GAN: variants seen among roughly 807,000 people sequenced by gnomAD.
The protein encoded by GAN is epididymis secretory sperm binding protein.
GAN carries 48 observed loss-of-function variants against 71.3 expected under a neutral mutation model. That is an observed-to-expected ratio of 0.67 (90% CI 0.53 to 0.86). The LOEUF (loss-of-function observed/expected upper bound fraction) is 0.86, where lower values mean the gene tolerates loss of function less well. Ranked by LOEUF, GAN falls within the 40% of genes least tolerant of loss-of-function variation. The pLI, the probability that GAN is intolerant of heterozygous loss-of-function variation, is 0.00. For synonymous variants in GAN, 386 were observed against 276.8 expected (o/e 1.39, Z -3.92); for missense variants, 928 against 770.1 (o/e 1.21, Z -2.43).
rs576424603 is a variant in GAN at position 81,377,653 on chromosome 16, G to A, written c.*57G>A. The A allele has an allele frequency of 2.5e-5, 36 of 1,462,232 alleles. No individual in the cohort carries two copies. The highest frequency in any genetic ancestry group is 2.4e-4 in the African/African-American group (17 of 72,096). The allele number at this position is 1,462,232 out of a possible 1,614,324, so 90.6% of individuals were successfully genotyped here. A position where few individuals can be genotyped will look rare whatever the true frequency, so the allele number is the denominator to read the frequency against. On this transcript the variant is annotated 3_prime_UTR_variant, in exon 11 of 11. Transcript: ENST00000648994. ...CCCAAGAGCACCATAACATAGCTCC[G>A]AAAGGGAGAGCAGAGATGGCAGCTG...
chr16:81,363,251 A>G (rs1014921532), intron 6 of GAN, among the ~76,000 whole-genome samples: 6 of 151,798 alleles, frequency 4.0e-5, no homozygotes, highest in African/African-American at 1.5e-4. Context: ...ATTGTATTGA[A>G]CCAGAGGTAA....
chr16:81,364,941 T>G, intron 7 of GAN, 33 bp from the exon 8 acceptor site: 1 of 1,611,404 alleles, frequency 6.2e-7, no homozygotes, highest in Middle Eastern at 1.7e-4. Context: ...TGAGAAATGT[T>G]GCCTCTCCCC....
chr16:81,325,002 A>G (rs1055275405), intron 1 of GAN, among the ~76,000 whole-genome samples: 1 of 152,156 alleles, frequency 6.6e-6, no homozygotes, highest in Non-Finnish European at 1.5e-5. Flanking sequence ...TGATGAGGAA[A>G]AGGGCAGACC....
intron 3 of GAN, 152 bp downstream of exon 3, chr16:81,354,907 C>T (rs1031758249): frequency 5.6e-5 from 35 of 625,582 alleles, no homozygotes; most frequent in Non-Finnish European, 9.3e-5. Flanking sequence ...ATCATGAAAG[C>T]AGTTGGTTTT....
chr16:81,355,857 A>G (rs75213308), intron 3 of GAN, among the ~76,000 whole-genome samples: 3,952 of 152,308 alleles, frequency 0.026, 89 homozygotes, highest in East Asian at 0.082. Context: ...CTGTAAGCCC[A>G]TAAGTATGCA....
intron 1 of GAN, among the ~76,000 whole-genome samples, chr16:81,349,004 C>T (rs1234904484): frequency 6.6e-6 from 1 of 152,180 alleles, no homozygotes; most frequent in Non-Finnish European, 1.5e-5. Context: ...TGGTGCTCCC[C>T]TGTCCAGAGA....
At chr16:81,326,130 C>A (rs1352308342) in intron 1 of GAN, among the ~76,000 whole-genome samples, 1 of 152,126 alleles carries the variant, frequency 6.6e-6, no homozygotes, top group African/African-American at 2.4e-5. Context: ...TGTGGAAAAC[C>A]AGTAGACATA....
chr16:81,323,155 G>A (rs113172064), intron 1 of GAN, among the ~76,000 whole-genome samples: 6 of 152,310 alleles, frequency 3.9e-5, no homozygotes, highest in African/African-American at 1.4e-4. Context: ...TTCCTTACAT[G>A]AAAGTTGGTA....
At position 81,377,658 on chromosome 16, in the gene GAN, G is replaced by A; in HGVS notation, c.*62G>A. 2 of 1,440,298 alleles carry A rather than the reference G, an allele frequency of 1.4e-6. No homozygotes were observed. Among genetic ancestry groups the A allele is most frequent in the South Asian group, 2.3e-5 (2 of 87,374 alleles). 89.2% of individuals were successfully genotyped at this position (1,440,298 alleles called of 1,614,324 possible). A position where few individuals can be genotyped will look rare whatever the true frequency, so the allele number is the denominator to read the frequency against. On this transcript the variant is annotated 3_prime_UTR_variant, in exon 11 of 11. Coordinates refer to ENST00000648994, the MANE Select transcript of GAN (RefSeq NM_022041.4). The stretch of plus-strand genomic sequence containing the variant: ...GAGCACCATAACATAGCTCCGAAAG[G>A]GAGAGCAGAGATGGCAGCTGAAACT...
chr16:81,355,416 C>A (rs1323951822), intron 3 of GAN, among the ~76,000 whole-genome samples: 4 of 152,164 alleles, frequency 2.6e-5, no homozygotes, highest in African/African-American at 9.7e-5. Flanking sequence ...AGGGCAGTAG[C>A]CAGAGTGGCA....
intron 1 of GAN, among the ~76,000 whole-genome samples, chr16:81,318,931 C>G (rs1909134065): frequency 6.6e-6 from 1 of 151,644 alleles, no homozygotes; most frequent in African/African-American, 2.4e-5. Flanking sequence ...ATGCATGCCC[C>G]TTTCCCAGCA....
At position 81,377,500 on chromosome 16, in the gene GAN, C is replaced by T. The variant is rs1206364597; in HGVS notation, c.1698C>T (p.Arg566=). The T allele has an allele frequency of 6.2e-7, 1 of 1,614,074 alleles. No homozygotes were observed. Among genetic ancestry groups the T allele is most frequent in the Non-Finnish European group, 8.5e-7 (1 of 1,179,914 alleles). The change falls in exon 11 of 11, where the codon CGC becomes CGT. Residue 566 remains arginine (R), a synonymous_variant. Transcript: ENST00000648994. ...AACCACTCCTTCCATCCGACCTTCG[C>T]CGTACAGGATGTGCAGCCTTACGCA... ...HTKPLLPSDL[R]RTGCAALRIA...
rs1440787775 is a variant in GAN at position 81,378,944 on chromosome 16, G to C, written c.*1348G>C. The C allele has an allele frequency of 6.6e-6, 1 of 152,238 alleles. No individual in the cohort carries two copies. The highest frequency in any genetic ancestry group is 1.5e-5 in the Non-Finnish European group (1 of 68,018). 9.4% of individuals were successfully genotyped at this position (152,238 alleles called of 1,614,324 possible). On this transcript the variant is annotated 3_prime_UTR_variant, in exon 11 of 11. Transcript: ENST00000648994. ...CTAGTGTGAAATCGGGGACTTCAAA[G>C]TGCTTGATTCCTTCCTAAATTGAAT...
chr16:81,390,175 A>G lies in GAN; in HGVS notation c.*12579A>G, dbSNP rs1038697226. Reference sequence around the variant, plus strand: ...TAAATAGGCAGGTTTAGAAAGTTCAAAATATTGGAAGTGCTAGAAGGCTGC... The same window carrying G: ...TAAATAGGCAGGTTTAGAAAGTTCAGAATATTGGAAGTGCTAGAAGGCTGC... On this transcript the variant is annotated 3_prime_UTR_variant, in exon 11 of 11. Coordinates refer to ENST00000648994, the MANE Select transcript of GAN (RefSeq NM_022041.4). 6.6e-6 allele frequency: 1 copy of G among 152,180 alleles called. No individual in the cohort carries two copies. Among genetic ancestry groups the G allele is most frequent in the Non-Finnish European group, 1.5e-5 (1 of 68,042 alleles). The allele number at this position is 152,180 out of a possible 1,614,324, so 9.4% of individuals were successfully genotyped here.
chr16:81,376,121 G>C (rs144768649), intron 9 of GAN, among the ~76,000 whole-genome samples: 94 of 151,842 alleles, frequency 6.2e-4, no homozygotes, highest in African/African-American at 2.1e-3. Flanking sequence ...TGAGCAGTTG[G>C]AATTCTCATG....
intron 1 of GAN, among the ~76,000 whole-genome samples, chr16:81,335,675 A>G (rs562545771): frequency 7.1e-6 from 1 of 141,550 alleles, no homozygotes; most frequent in Middle Eastern, 3.7e-3. Flanking sequence ...TGAACTCGGG[A>G]GGCGGAGGTT....
rs1423071289 is a variant in GAN at position 81,379,159 on chromosome 16, G to C, written c.*1563G>C. On this transcript the variant is annotated 3_prime_UTR_variant, in exon 11 of 11. Transcript: ENST00000648994. Reference sequence around the variant, plus strand: ...CAGGAATTTCTTCTAGAAACTTCCTGTATGGAACGTTTATATGCAATTAAC... The same window carrying C: ...CAGGAATTTCTTCTAGAAACTTCCTCTATGGAACGTTTATATGCAATTAAC... 2 of 152,030 alleles carry C rather than the reference G, an allele frequency of 1.3e-5. No homozygotes were observed. The highest frequency in any genetic ancestry group is 4.8e-5 in the African/African-American group (2 of 41,362). 9.4% of individuals were successfully genotyped at this position (152,030 alleles called of 1,614,324 possible). A position where few individuals can be genotyped will look rare whatever the true frequency, so the allele number is the denominator to read the frequency against.
intron 1 of GAN, among the ~76,000 whole-genome samples, chr16:81,341,621 C>T (rs1909945160): frequency 6.6e-6 from 1 of 152,176 alleles, no homozygotes; most frequent in Non-Finnish European, 1.5e-5. Context: ...CTTACAAGAG[C>T]TCCTGAAGGA....
At chr16:81,369,276 A>G (rs1382354102) in intron 9 of GAN, among the ~76,000 whole-genome samples, 1 of 152,190 alleles carries the variant, frequency 6.6e-6, no homozygotes, top group African/African-American at 2.4e-5. Context: ...GCTAAGTGGA[A>G]GTCCCCGGAG....
Sources: gnomAD v4.1 joint callset for allele counts (sites outside exome capture counted in the v4.1 genomes callset) on GRCh38, gnomAD v4.1.1 for gene constraint, MANE v1.5 for transcripts, NCBI Gene and HGNC (gene_info 2026-07-23, HGNC 2026-07-21) for gene names.